IQGAP3: variants seen among roughly 807,000 people sequenced by gnomAD.
The protein encoded by IQGAP3 is IQ motif containing GTPase activating protein 3.
A neutral mutation model predicts 208.2 loss-of-function variants in IQGAP3; 165 were observed. The ratio of observed to expected loss-of-function variants is 0.79; its 90% CI spans 0.70 to 0.90. The LOEUF is 0.90. IQGAP3 is among the 40% of genes least tolerant of loss of function. The pLI is 0.00. For missense variants in IQGAP3, 1,811 were observed against 2,043.1 expected, an observed-to-expected ratio of 0.89 and a Z score of 2.19; for synonymous variants, 703 against 803.6, an observed-to-expected ratio of 0.87 and a Z score of 2.12.
At chr1:156,547,414 C>G (rs1420242714) in intron 19 of IQGAP3, among the ~76,000 whole-genome samples, 3 of 151,678 alleles carry the variant, frequency 2.0e-5, no homozygotes, top group Admixed American at 1.3e-4. Flanking sequence ...CACACACACA[C>G]ACACACACAC....
Position 156,528,939 on chromosome 1 carries a change from C to T in IQGAP3, c.4548G>A (p.Leu1516=). ...ACTTGGAGTCGGGGGCCAGGTGGTCCAGGCAGGCCCGGATGTACTGGCTGT... is the reference window on the plus strand; with the variant it reads ...ACTTGGAGTCGGGGGCCAGGTGGTCTAGGCAGGCCCGGATGTACTGGCTGT... ...DYYSQYIRAC[L]DHLAPDSKSS... Residue 1516 remains leucine (L), a synonymous_variant, in exon 35 of 38, where the codon CTG becomes CTA. Coordinates refer to ENST00000361170, the MANE Select transcript of IQGAP3 (RefSeq NM_178229.5). The T allele has an allele frequency of 1.2e-6, 2 of 1,614,208 alleles. No individual in the cohort carries two copies. The highest frequency in any genetic ancestry group is 1.7e-6 in the Non-Finnish European group (2 of 1,180,024).
Position 156,551,883 on chromosome 1 carries a change from T to G in IQGAP3, c.1571-15A>C, listed in dbSNP as rs766536899. 1 of 1,599,250 alleles carries G rather than the reference T, an allele frequency of 6.3e-7. No individual in the cohort carries two copies. Among genetic ancestry groups the G allele is most frequent in the South Asian group, 1.1e-5 (1 of 89,746 alleles). On this transcript the variant is annotated splice_polypyrimidine_tract_variant and intron_variant, in intron 14 of 37. Transcript: ENST00000361170. ...TGCAAGGACCCCTAAGAAAGAGAGA[T>G]CTAGGTGGGCAGGGGGCCCCTAGAC...
In IQGAP3 at chr1:156,534,485, G is replaced by A. The variant is rs751534382; in HGVS notation, c.3740+16C>T. 1 of 1,526,534 alleles carries A rather than the reference G, an allele frequency of 6.6e-7. No individual in the cohort carries two copies. The highest frequency in any genetic ancestry group is 1.4e-5 in the African/African-American group (1 of 72,266). The allele number at this position is 1,526,534 out of a possible 1,614,324, so 94.6% of individuals were successfully genotyped here. A position where few individuals can be genotyped will look rare whatever the true frequency, so the allele number is the denominator to read the frequency against. ...AAGAGGGAAGAAAGGGGACAGAGAG[G>A]AAAGGGACCCAAGACCTGAACTTGA... On this transcript the variant is annotated intron_variant, in intron 29 of 37. Coordinates refer to ENST00000361170, the MANE Select transcript of IQGAP3 (RefSeq NM_178229.5).
chr1:156,535,706 C>G (rs1266028135), intron 27 of IQGAP3, among the ~76,000 whole-genome samples: 2 of 152,216 alleles, frequency 1.3e-5, no homozygotes, highest in Non-Finnish European at 2.9e-5. Flanking sequence ...CACAGAGCAT[C>G]TGTGAGTGGC....
intron 9 of IQGAP3, 25 bp downstream of exon 9, chr1:156,562,562 A>G: frequency 6.2e-7 from 1 of 1,604,562 alleles, no homozygotes; most frequent in Non-Finnish European, 8.5e-7. Context: ...TCACCCCCAA[A>G]CCACTCCTGC....
chr1:156,543,352 C>A (rs1675076678), intron 22 of IQGAP3, among the ~76,000 whole-genome samples: 1 of 152,122 alleles, frequency 6.6e-6, no homozygotes, highest in Non-Finnish European at 1.5e-5. Flanking sequence ...TCACCAGAAG[C>A]CCAAGAGTGC....
rs375074990 is a variant in IQGAP3, at chr1:156,544,381, G to A, written c.2388+8C>T. On this transcript the variant is annotated splice_region_variant and intron_variant, in intron 20 of 37. Coordinates refer to ENST00000361170, the MANE Select transcript of IQGAP3 (RefSeq NM_178229.5). ...GAGAAAGGAGCCTGCCAAAACCACC[G>A]TAGCTACCTTGATTATGGCATCCAG... 1.4e-5 allele frequency: 22 copies of A among 1,610,164 alleles called. No individual in the cohort carries two copies. The Admixed American group carries it at 1.7e-4, about 12-fold the overall frequency.
chr1:156,548,073 C>G lies in IQGAP3; in HGVS notation c.2304G>C (p.Gln768His). ...RTWLPAVIKI[Q>H]AHWRGYRQRK... is the part of the protein sequence containing the mutation. ...GACTGAGAAAGCCAGAGCCTGCCACCTGGATCTTGATGACTGCTGGGAGCC... is the reference window on the plus strand; with the variant it reads ...GACTGAGAAAGCCAGAGCCTGCCACGTGGATCTTGATGACTGCTGGGAGCC... Residue 768 changes from glutamine (Q) to histidine (H), a missense_variant and splice_region_variant, in exon 19 of 38, where the codon CAG becomes CAC. Coordinates refer to ENST00000361170, the MANE Select transcript of IQGAP3 (RefSeq NM_178229.5). 6.2e-7 allele frequency: 1 copy of G among 1,612,514 alleles called. No homozygotes were observed. Among genetic ancestry groups the G allele is most frequent in the Non-Finnish European group, 8.5e-7 (1 of 1,179,240 alleles).
intron 29 of IQGAP3, 65 bp downstream of exon 29, chr1:156,534,436 G>T (rs2102365649): frequency 8.2e-7 from 1 of 1,222,386 alleles, no homozygotes; most frequent in Non-Finnish European, 1.1e-6. Flanking sequence ...TTCTGGAGGG[G>T]ACAAGTGGGA....
chr1:156,565,506 C>T (rs992242284), intron 4 of IQGAP3, among the ~76,000 whole-genome samples: 2 of 152,212 alleles, frequency 1.3e-5, no homozygotes, highest in Non-Finnish European at 2.9e-5. Context: ...TTGTATAGCT[C>T]TTCACAGTTC....
chr1:156,547,682 A>G (rs1188678824), intron 19 of IQGAP3, among the ~76,000 whole-genome samples: 3 of 152,212 alleles, frequency 2.0e-5, no homozygotes, highest in East Asian at 3.9e-4. Flanking sequence ...GATAGTGACG[A>G]TAATGATATA....
Position 156,548,448 on chromosome 1 carries a change from C to CCAT in IQGAP3, c.2030_2032dup (p.Asp677dup), listed in dbSNP as rs749357746. On this transcript the variant is annotated inframe_insertion, in exon 18 of 38. Transcript: ENST00000361170. ...CTGCAGATGGAAGTAGTAGGCAGTG[C>CCAT]CATCCTTCATGTCATGTTGAACCCA... The CCAT allele has an allele frequency of 9.9e-6, 16 of 1,613,768 alleles. No individual in the cohort carries two copies. The African/African-American group carries it at 2.1e-4, about 22-fold the overall frequency.
Position 156,540,827 on chromosome 1 carries a change from G to T in IQGAP3, c.2620C>A (p.Leu874Met), listed in dbSNP as rs760850975. Residue 874 changes from leucine (L) to methionine (M), a missense_variant, in exon 23 of 38, where the codon CTG (leucine) becomes ATG (methionine). Transcript: ENST00000361170. ...SQQDFLAEAE[L>M]LKLQEEVVRK... Reference sequence around the variant, plus strand: ...ACTACCTCTTCCTGGAGCTTCAGCAGCTCTGCCTCAGCCAAGAAGTCTTGC... The same window carrying T: ...ACTACCTCTTCCTGGAGCTTCAGCATCTCTGCCTCAGCCAAGAAGTCTTGC... 2 of 1,614,118 alleles carry T rather than the reference G, an allele frequency of 1.2e-6. No homozygotes were observed. The highest frequency in any genetic ancestry group is 1.7e-6 in the Non-Finnish European group (2 of 1,180,002).
intron 26 of IQGAP3, among the ~76,000 whole-genome samples, chr1:156,538,099 C>T (rs1321068197): frequency 2.6e-5 from 4 of 152,052 alleles, no homozygotes; most frequent in South Asian, 2.1e-4. Flanking sequence ...CTCGCTCTGT[C>T]GCCCAGCCTG....
chr1:156,549,954 T>A (rs1342202865), intron 16 of IQGAP3, among the ~76,000 whole-genome samples: 1 of 152,162 alleles, frequency 6.6e-6, no homozygotes, highest in Non-Finnish European at 1.5e-5. Context: ...CCAGCAGAAA[T>A]GGGATTTCTG....
rs551144250 is a variant in IQGAP3 at position 156,550,414 on chromosome 1, C to T, written c.1735-63G>A. On this transcript the variant is annotated intron_variant, in intron 15 of 37. Transcript: ENST00000361170. ...AGCTAGTCTCTCTAGGTTCCCAGGC[C>T]AAGATGCCCAAGGGAACCAAACTGC... 11 of 1,276,454 alleles carry T rather than the reference C, an allele frequency of 8.6e-6. No individual in the cohort carries two copies. The East Asian group carries it at 2.4e-4, about 28-fold the overall frequency. 79.1% of individuals were successfully genotyped at this position (1,276,454 alleles called of 1,614,324 possible).
At position 156,561,010 on chromosome 1, in the gene IQGAP3, C is replaced by T; in HGVS notation, c.1053G>A (p.Leu351=). Residue 351 remains leucine (L), a synonymous_variant, in exon 11 of 38, where the codon CTG becomes CTA. Coordinates refer to ENST00000361170, the MANE Select transcript of IQGAP3 (RefSeq NM_178229.5). ...DREQKAQELG[L]VELLEKEEVQ... ...CTTCCTCCTTTTCCAGAAGCTCCAC[C>T]AGGCCCAGCTCCTAAGAGAGGGAAG... 6.2e-7 allele frequency: 1 copy of T among 1,613,308 alleles called. No individual in the cohort carries two copies. Among genetic ancestry groups the T allele is most frequent in the Non-Finnish European group, 8.5e-7 (1 of 1,179,412 alleles).
Position 156,564,700 on chromosome 1 carries a change from G to A in IQGAP3, c.361-9C>T, listed in dbSNP as rs761375130. 6.2e-7 allele frequency: 1 copy of A among 1,608,942 alleles called. No individual in the cohort carries two copies. ...GTCTCTGGGAAGAAGGTCTAGAGGAGAAACCAGCCAGTTACTGCCATTGGG... is the reference window on the plus strand; with the variant it reads ...GTCTCTGGGAAGAAGGTCTAGAGGAAAAACCAGCCAGTTACTGCCATTGGG... On this transcript the variant is annotated splice_polypyrimidine_tract_variant and intron_variant, in intron 4 of 37. Transcript: ENST00000361170.
At chr1:156,528,753 C>A (rs1015779429) in intron 35 of IQGAP3, 143 bp from the exon 36 acceptor site, 17 of 1,072,758 alleles carry the variant, frequency 1.6e-5, no homozygotes. Flanking sequence ...TGCACTTGAG[C>A]CCAAGACTTT....
Sources: gnomAD v4.1 joint callset for allele counts (sites outside exome capture counted in the v4.1 genomes callset) on GRCh38, gnomAD v4.1.1 for gene constraint, MANE v1.5 for transcripts, NCBI Gene and HGNC (gene_info 2026-07-23, HGNC 2026-07-21) for gene names.